KDM4C: variants seen among roughly 807,000 people sequenced by gnomAD.
KDM4C encodes the protein lysine-specific demethylase 4C.
A neutral mutation model predicts 129.3 loss-of-function variants in KDM4C; 81 were observed. The ratio of observed to expected loss-of-function variants is 0.63; its 90% confidence interval spans 0.52 to 0.75. The LOEUF (loss-of-function observed/expected upper bound fraction) is 0.75, where lower values mean the gene tolerates loss of function less well. Ranked by LOEUF, KDM4C falls within the 30% of genes least tolerant of loss-of-function variation. The pLI is 0.00. For synonymous variants in KDM4C, 573 were observed against 456.1 expected, an observed-to-expected ratio of 1.26 and a Z score of -3.26; for missense variants, 1,457 against 1,304.0, an observed-to-expected ratio of 1.12 and a Z score of -1.81.
chr9:6,829,531 A>G (rs1343252280), intron 4 of KDM4C, among the ~76,000 whole-genome samples: 1 of 152,372 alleles, frequency 6.6e-6, no homozygotes. Context: ...ATCATCTGGT[A>G]TAATAGTCAA....
chr9:7,114,846 C>T (rs1838718788), intron 18 of KDM4C, among the ~76,000 whole-genome samples: 1 of 152,122 alleles, frequency 6.6e-6, no homozygotes, highest in Non-Finnish European at 1.5e-5. Context: ...TGGCTCCCAC[C>T]TGTAGTCCCA....
At chr9:7,141,915 T>C (rs748084455) in intron 19 of KDM4C, among the ~76,000 whole-genome samples, 3 of 152,150 alleles carry the variant, frequency 2.0e-5, no homozygotes, top group Non-Finnish European at 2.9e-5. Flanking sequence ...AGGCACTTCA[T>C]CTCTAAATGG....
At chr9:6,889,246 T>TGGGGGGGGGGGGGGGG in intron 7 of KDM4C, among the ~76,000 whole-genome samples, 1 of 110,232 alleles carries the variant, frequency 9.1e-6, no homozygotes, top group African/African-American at 3.6e-5. Context: ...TGTGTGTGTG[T>TGGGGGGGGGGGGGGGG]GTGTGGGAGG....
At chr9:7,080,870 G>A (rs1324661395) in intron 17 of KDM4C, among the ~76,000 whole-genome samples, 1 of 152,116 alleles carries the variant, frequency 6.6e-6, no homozygotes, top group East Asian at 1.9e-4. Context: ...AAGCAAAAAC[G>A]TTCACTGACC....
At chr9:6,844,125 TC>T (rs1423926525) in intron 4 of KDM4C, among the ~76,000 whole-genome samples, 1 of 152,142 alleles carries the variant, frequency 6.6e-6, no homozygotes, top group African/African-American at 2.4e-5. Context: ...GCATAAACCA[TC>T]ATTTTTACGT....
intron 17 of KDM4C, among the ~76,000 whole-genome samples, chr9:7,096,759 G>C (rs1472252801): frequency 6.6e-6 from 1 of 152,144 alleles, no homozygotes; most frequent in Non-Finnish European, 1.5e-5. Flanking sequence ...TTCCACTAAA[G>C]ATCATGCTGA....
intron 5 of KDM4C, 31 bp downstream of exon 5, chr9:6,849,731 T>G (rs1018119203): frequency 6.7e-7 from 1 of 1,503,652 alleles, no homozygotes. Context: ...TCATTTACTT[T>G]GGAGTTTTGA....
At chr9:7,153,378 C>T (rs1842887264) in intron 19 of KDM4C, among the ~76,000 whole-genome samples, 1 of 152,214 alleles carries the variant, frequency 6.6e-6, no homozygotes, top group South Asian at 2.1e-4. Flanking sequence ...AAGAGCTGGC[C>T]ATTCCTCCGG....
upstream of KDM4C, chr9:6,757,521 CG>C: frequency 3.2e-6 from 2 of 626,304 alleles, no homozygotes; most frequent in Non-Finnish European, 4.0e-6. Context: ...GAAGGGAGAA[CG>C]GGAACACAGC....
intron 21 of KDM4C, among the ~76,000 whole-genome samples, chr9:7,171,487 C>G (rs1231385375): frequency 1.3e-5 from 2 of 152,130 alleles, no homozygotes; most frequent in Non-Finnish European, 2.9e-5. Context: ...CCCAGCTCCT[C>G]CCGCTCCTTT....
At chr9:7,044,981 A>C (rs1829185505) in intron 15 of KDM4C, among the ~76,000 whole-genome samples, 1 of 152,044 alleles carries the variant, frequency 6.6e-6, no homozygotes, top group Non-Finnish European at 1.5e-5. Flanking sequence ...TATGGTGCTA[A>C]GAGGTCAGGT....
At chr9:7,088,939 A>G (rs1194494001) in intron 17 of KDM4C, among the ~76,000 whole-genome samples, 1 of 152,196 alleles carries the variant, frequency 6.6e-6, no homozygotes, top group East Asian at 1.9e-4. Context: ...AAGAAAGCCG[A>G]TATTTTGTCC....
chr9:6,940,043 TTCCC>T lies in KDM4C; in HGVS notation c.922-40878_922-40875del, dbSNP rs1563850342. On this transcript the variant is annotated intron_variant, in intron 8 of 21. Transcript: ENST00000381309. ...CTTCCTTCCTTCCTTCTTTCCTTCC[TTCCC>T]TCCTTCCCTCCTTCCCTCCTTCTCT... Among the ~76,000 whole-genome samples, 1,232 of 128,914 alleles carry T rather than the reference TTCCC, an allele frequency of 9.6e-3. 25 individuals carry two copies. Among genetic ancestry groups the T allele is most frequent in the Middle Eastern group, 0.019 (5 of 270 alleles). 84.6% of individuals were successfully genotyped at this position (128,914 alleles called of 152,430 possible).
chr9:6,888,611 G>T (rs10117958), intron 7 of KDM4C, among the ~76,000 whole-genome samples: 11,321 of 152,204 alleles, frequency 0.074, 756 homozygotes, highest in East Asian at 0.27. Flanking sequence ...CTTTGTGTCT[G>T]TGGGTGGTTA....
chr9:6,769,019 C>G (rs1051211455), intron 1 of KDM4C, among the ~76,000 whole-genome samples: 8 of 152,100 alleles, frequency 5.3e-5, no homozygotes, highest in African/African-American at 1.7e-4. Context: ...ATGATCCACC[C>G]ACCTCAGCCT....
At chr9:6,800,621 A>T (rs779845261) in intron 2 of KDM4C, among the ~76,000 whole-genome samples, 25 of 145,012 alleles carry the variant, frequency 1.7e-4, no homozygotes, top group Non-Finnish European at 3.3e-4. Context: ...TTTATTTTTT[A>T]ATTTATTTTT....
intron 15 of KDM4C, among the ~76,000 whole-genome samples, chr9:7,026,079 A>T (rs187786146): frequency 2.6e-5 from 4 of 151,954 alleles, no homozygotes; most frequent in South Asian, 2.1e-4. Flanking sequence ...TGTGGCGAGC[A>T]CCTGTAATCC....
At chr9:6,995,499 T>G (rs999685592) in intron 12 of KDM4C, among the ~76,000 whole-genome samples, 66 of 152,342 alleles carry the variant, frequency 4.3e-4, no homozygotes, top group African/African-American at 1.5e-3. Context: ...TGAAACATTA[T>G]GCAGCTATAT....
At chr9:6,911,741 G>A (rs751685425) in intron 8 of KDM4C, among the ~76,000 whole-genome samples, 12 of 152,134 alleles carry the variant, frequency 7.9e-5, no homozygotes, top group Non-Finnish European at 1.5e-4. Context: ...TTTTGTTGAC[G>A]TATTGCAAAG....
Sources: gnomAD v4.1 joint callset for allele counts (sites outside exome capture counted in the v4.1 genomes callset) on GRCh38, gnomAD v4.1.1 for gene constraint, MANE v1.5 for transcripts, NCBI Gene and HGNC (gene_info 2026-07-23, HGNC 2026-07-21) for gene names.